Variants in PIEZO2 observed in about 807,000 individuals in gnomAD.
PIEZO2 encodes piezo type mechanosensitive ion channel component 2, also known as piezo-type mechanosensitive ion channel component 2.
A neutral mutation model predicts 337.3 loss-of-function variants in PIEZO2; 172 were observed. The observed-to-expected ratio is 0.51, with a 90% CI of 0.45 to 0.58. PIEZO2 has a LOEUF of 0.58. Ranked by LOEUF, PIEZO2 falls within the 20% of genes least tolerant of loss-of-function variation. The pLI is 0.00. For synonymous variants in PIEZO2, 1,251 were observed against 1,228.5 expected (o/e 1.02, Z -0.38); for missense variants, 3,028 against 3,391.3 (o/e 0.89, Z 2.66).
chr18:11,100,811 G>A (rs566378417), intron 1 of PIEZO2, among the ~76,000 whole-genome samples: 12 of 152,242 alleles, frequency 7.9e-5, no homozygotes, highest in East Asian at 3.9e-4. Context: ...TAGCCAGGAT[G>A]GTCTCGATCT....
At chr18:10,693,356 T>TTGTGTGTGTGTGTGTGTGTG (rs1174582024) in intron 47 of PIEZO2, among the ~76,000 whole-genome samples, 972 of 89,998 alleles carry the variant, frequency 0.011, 5 homozygotes, top group East Asian at 0.022. Context: ...AATCTGGATT[T>TTGTGTGTGTGTGTGTGTGTG]TGTGTGTGTG....
At chr18:11,019,857 AATTG>A (rs138690499) in intron 2 of PIEZO2, among the ~76,000 whole-genome samples, 3,004 of 152,280 alleles carry the variant, frequency 0.02, 98 homozygotes, top group African/African-American at 0.068. Flanking sequence ...GAAATTATTG[AATTG>A]ATTGTTTATT....
chr18:11,024,191 C>CT (rs1219153685), intron 2 of PIEZO2, among the ~76,000 whole-genome samples: 1 of 152,222 alleles, frequency 6.6e-6, no homozygotes, highest in African/African-American at 2.4e-5. Flanking sequence ...ACACTGTCAC[C>CT]TCTCACTACG....
At chr18:10,788,670 T>G (rs2039313737) in intron 15 of PIEZO2, among the ~76,000 whole-genome samples, 1 of 152,186 alleles carries the variant, frequency 6.6e-6, no homozygotes, top group African/African-American at 2.4e-5. Flanking sequence ...CTTGACCTCC[T>G]GGGATCAAGT....
chr18:10,999,685 G>C (rs939172458), intron 2 of PIEZO2, among the ~76,000 whole-genome samples: 2 of 152,128 alleles, frequency 1.3e-5, no homozygotes, highest in Non-Finnish European at 2.9e-5. Context: ...AATACTAAGA[G>C]ACAACTGTAC....
chr18:10,875,380 G>A (rs2042244060), intron 4 of PIEZO2, among the ~76,000 whole-genome samples: 1 of 151,978 alleles, frequency 6.6e-6, no homozygotes, highest in Non-Finnish European at 1.5e-5. Context: ...ATTGAAAAGG[G>A]TAAACTAGAA....
chr18:10,747,859 A>G (rs1015654924), intron 30 of PIEZO2, among the ~76,000 whole-genome samples: 1 of 152,194 alleles, frequency 6.6e-6, no homozygotes, highest in African/African-American at 2.4e-5. Flanking sequence ...ATTCACACCA[A>G]GCATCTGATG....
chr18:10,994,450 C>T (rs2035228254), intron 2 of PIEZO2, among the ~76,000 whole-genome samples: 1 of 148,342 alleles, frequency 6.7e-6, no homozygotes, highest in African/African-American at 2.5e-5. Flanking sequence ...CTCTCTATTG[C>T]TCAGGCTGGA....
rs1304371326 is a variant in PIEZO2, at chr18:10,953,702, A to G, written c.286+25833T>C. Among the ~76,000 whole-genome samples, 2 of 152,142 alleles carry G rather than the reference A, an allele frequency of 1.3e-5. No individual in the cohort carries two copies. Among genetic ancestry groups the G allele is most frequent in the African/African-American group, 4.8e-5 (2 of 41,422 alleles). On this transcript the variant is annotated intron_variant, in intron 3 of 55. Coordinates refer to ENST00000674853, the MANE Select transcript of PIEZO2 (RefSeq NM_001378183.1). The surrounding 1 kb of genome is among the most constrained non-coding windows in gnomAD (Gnocchi z 5.2). ...TAAACAGAATGAGATGGTTGAACAC[A>G]TCGCAACACTGGGCAGATAGATGGG...
chr18:10,886,566 A>G (rs2042614912), intron 4 of PIEZO2, among the ~76,000 whole-genome samples: 1 of 129,654 alleles, frequency 7.7e-6, no homozygotes, highest in Non-Finnish European at 1.6e-5. Context: ...AGGTTAATTT[A>G]TAAATTAGGC....
At chr18:11,075,379 A>G (rs1340779596) in intron 1 of PIEZO2, among the ~76,000 whole-genome samples, 3 of 152,252 alleles carry the variant, frequency 2.0e-5, no homozygotes, top group African/African-American at 7.2e-5. Flanking sequence ...CCTGTCAAAG[A>G]AATGAGAGAA....
At chr18:10,961,199 T>G (rs1196874991) in intron 3 of PIEZO2, among the ~76,000 whole-genome samples, 6 of 148,700 alleles carry the variant, frequency 4.0e-5, no homozygotes, top group African/African-American at 1.5e-4. Flanking sequence ...AAAAAGAAAC[T>G]GTGGTATATA....
intron 36 of PIEZO2, among the ~76,000 whole-genome samples, chr18:10,719,126 C>A (rs1042410784): frequency 7.9e-5 from 12 of 151,954 alleles, no homozygotes; most frequent in Admixed American, 6.6e-5. Flanking sequence ...CTAAAAAGGT[C>A]AGATCTAGCA....
intron 2 of PIEZO2, among the ~76,000 whole-genome samples, chr18:11,059,228 G>T (rs2037846695): frequency 8.8e-6 from 1 of 113,712 alleles, no homozygotes; most frequent in Non-Finnish European, 2.0e-5. Context: ...TCACCACCAG[G>T]CCTACCCTAC....
intron 7 of PIEZO2, among the ~76,000 whole-genome samples, chr18:10,838,076 G>A (rs1598560696): frequency 6.6e-6 from 1 of 151,998 alleles, no homozygotes; most frequent in South Asian, 2.1e-4. Context: ...TTACACAAGC[G>A]TCTCTGTGGG....
At chr18:11,049,262 CA>C (rs1398106679) in intron 2 of PIEZO2, among the ~76,000 whole-genome samples, 3 of 152,158 alleles carry the variant, frequency 2.0e-5, no homozygotes, top group Non-Finnish European at 4.4e-5. Flanking sequence ...AAGCACTCAA[CA>C]TTCGAGGAAG....
chr18:10,752,590 T>C, intron 28 of PIEZO2, 46 bp downstream of exon 28: 1 of 1,525,592 alleles, frequency 6.6e-7, no homozygotes, highest in Non-Finnish European at 8.8e-7. Flanking sequence ...GACTGTTTAC[T>C]CTTACACGAA....
chr18:10,680,796 G>A (rs9953674), intron 51 of PIEZO2, among the ~76,000 whole-genome samples: 3,200 of 152,210 alleles, frequency 0.021, 94 homozygotes, highest in African/African-American at 0.074. Flanking sequence ...TTTTGACAGT[G>A]TGCATTATAG....
intron 36 of PIEZO2, chr18:10,725,571 C>T: frequency 1.5e-6 from 2 of 1,366,664 alleles, no homozygotes; most frequent in Non-Finnish European, 2.0e-6. Flanking sequence ...TCCCCTGTCC[C>T]TCCTGAGGTC....
Sources: allele counts gnomAD v4.1 joint callset (sites outside exome capture counted in the v4.1 genomes callset), GRCh38; gene constraint gnomAD v4.1.1; non-coding constraint Gnocchi (gnomAD v3.1); transcripts MANE v1.5; gene names NCBI Gene and HGNC (gene_info 2026-07-23, HGNC 2026-07-21).